Variants in ADAMTSL1 observed in about 807,000 individuals in gnomAD.
The protein encoded by ADAMTSL1 is ADAMTS-like protein 1.
Under a neutral mutation model 201.8 loss-of-function variants are expected in ADAMTSL1, and 126 were observed. The observed-to-expected ratio is 0.62, with a 90% CI of 0.54 to 0.72. ADAMTSL1 has a LOEUF of 0.72. Ranked by LOEUF, ADAMTSL1 falls within the 30% of genes least tolerant of loss-of-function variation. ADAMTSL1 has a pLI of 0.00. For synonymous variants in ADAMTSL1, 1,121 were observed against 903.4 expected (o/e 1.24, Z -4.32); for missense variants, 2,679 against 2,277.8 (o/e 1.18, Z -3.59).
chr9:18,809,178 A>T (rs757158541), intron 20 of ADAMTSL1, among the ~76,000 whole-genome samples: 1 of 152,138 alleles, frequency 6.6e-6, no homozygotes, highest in Non-Finnish European at 1.5e-5. Flanking sequence ...GAAAAAAGTA[A>T]AGTTGTCCCC....
Position 18,795,540 on chromosome 9 carries a change from C to T in ADAMTSL1, c.3805+16C>T, listed in dbSNP as rs753583679. The T allele has an allele frequency of 6.9e-6, 11 of 1,596,408 alleles. No individual in the cohort carries two copies. In the Admixed American group the frequency reaches 1.8e-4, roughly 26 times the overall value. On this transcript the variant is annotated intron_variant, in intron 20 of 28. Transcript: ENST00000380548. ...ACATTAGCAGGTAACCCAAAAATCC[C>T]TGTTCTGTTCATTTCATAAACCTTT...
At chr9:18,193,798 G>A (rs2187455) in intron 2 of ADAMTSL1, among the ~76,000 whole-genome samples, 26,940 of 151,590 alleles carry the variant, frequency 0.18, 2,541 homozygotes, top group East Asian at 0.24. Context: ...AGGGTTTTTT[G>A]GGGCAAAGAC....
At chr9:18,622,751 T>C (rs988248550) in intron 5 of ADAMTSL1, 2 of 358,252 alleles carry the variant, frequency 5.6e-6, no homozygotes, top group Non-Finnish European at 1.0e-5. Context: ...ACAAATTCAC[T>C]CCTGTCACTG....
At chr9:18,693,191 C>A (rs1055158730) in intron 13 of ADAMTSL1, among the ~76,000 whole-genome samples, 2 of 152,172 alleles carry the variant, frequency 1.3e-5, no homozygotes, top group African/African-American at 4.8e-5. Flanking sequence ...AGTGTTTGAC[C>A]AGAGTCCTGT....
chr9:18,371,168 T>C (rs1026723311), intron 2 of ADAMTSL1, among the ~76,000 whole-genome samples: 2 of 152,252 alleles, frequency 1.3e-5, no homozygotes, highest in Non-Finnish European at 2.9e-5. Context: ...ACAATTTTTA[T>C]TCATGTTCTG....
intron 5 of ADAMTSL1, among the ~76,000 whole-genome samples, chr9:18,634,856 T>TAA (rs1351262493): frequency 1.7e-5 from 2 of 119,616 alleles, no homozygotes; most frequent in East Asian, 3.7e-4. Flanking sequence ...AAAGAATATG[T>TAA]AAATATATAT....
chr9:18,150,645 G>GAT (rs1440253079), intron 1 of ADAMTSL1, among the ~76,000 whole-genome samples: 2 of 151,882 alleles, frequency 1.3e-5, no homozygotes, highest in Admixed American at 1.3e-4. Flanking sequence ...TAAATATGAA[G>GAT]ATATGAAGAG....
intron 19 of ADAMTSL1, among the ~76,000 whole-genome samples, chr9:18,787,394 T>C (rs1414016937): frequency 6.6e-6 from 1 of 152,074 alleles, no homozygotes; most frequent in Non-Finnish European, 1.5e-5. Context: ...CAGACAGTAC[T>C]AGTGAGGCTT....
chr9:18,489,045 C>G (rs908550051), intron 1 of ADAMTSL1, among the ~76,000 whole-genome samples: 3 of 152,168 alleles, frequency 2.0e-5, no homozygotes, highest in Admixed American at 2.0e-4. Context: ...AACAAAGTAT[C>G]TGGGTGGCTG....
intron 2 of ADAMTSL1, among the ~76,000 whole-genome samples, chr9:18,248,357 C>T (rs1487941326): frequency 1.3e-5 from 2 of 152,114 alleles, no homozygotes; most frequent in Non-Finnish European, 2.9e-5. Flanking sequence ...AAAAGCTTGG[C>T]TTCCCATATT....
chr9:18,689,661 T>A (rs1232147857), intron 13 of ADAMTSL1, among the ~76,000 whole-genome samples: 1 of 152,240 alleles, frequency 6.6e-6, no homozygotes, highest in Non-Finnish European at 1.5e-5. Context: ...CTTCCAGATA[T>A]ATTTCAGTTG....
intron 1 of ADAMTSL1, among the ~76,000 whole-genome samples, chr9:18,029,313 A>G (rs1210947222): frequency 2.6e-5 from 4 of 152,188 alleles, no homozygotes; most frequent in Non-Finnish European, 5.9e-5. Context: ...TTCCTATTTA[A>G]TAAATGGTGC....
chr9:17,981,341 A>T (rs999434696), intron 1 of ADAMTSL1, among the ~76,000 whole-genome samples: 1 of 152,222 alleles, frequency 6.6e-6, no homozygotes, highest in Non-Finnish European at 1.5e-5. Context: ...GTCACCTTTT[A>T]TGATTCCCTA....
At position 18,651,939 on chromosome 9, in the gene ADAMTSL1, C is replaced by G. The variant is rs1022148021; in HGVS notation, c.835-5700C>G. On this transcript the variant is annotated intron_variant, in intron 7 of 28. Transcript: ENST00000380548. ...ATATATATATATTTCCTTCATTTAG[C>G]AGATGATTGATACATGAGGCAGATT... 1.2e-4 allele frequency among the ~76,000 whole-genome samples: 18 copies of G among 149,086 alleles called. No homozygotes were observed. In the East Asian group the frequency reaches 3.6e-3, roughly 29 times the overall value.
intron 19 of ADAMTSL1, among the ~76,000 whole-genome samples, chr9:18,786,498 A>G (rs903582226): frequency 6.6e-5 from 10 of 152,240 alleles, no homozygotes; most frequent in African/African-American, 2.2e-4. Context: ...TACTAGTACA[A>G]TTAGGCACTT....
intron 4 of ADAMTSL1, among the ~76,000 whole-genome samples, chr9:18,576,854 C>A (rs924589984): frequency 1.3e-5 from 2 of 151,950 alleles, no homozygotes; most frequent in Non-Finnish European, 2.9e-5. Flanking sequence ...TACAGTTCTG[C>A]ATGTTAGACA....
intron 12 of ADAMTSL1, among the ~76,000 whole-genome samples, chr9:18,683,650 G>T (rs1414816420): frequency 1.3e-5 from 2 of 152,188 alleles, no homozygotes; most frequent in Non-Finnish European, 2.9e-5. Context: ...TTTCTCACTT[G>T]CTTTGTTTTT....
chr9:18,034,940 C>T (rs1307508658), intron 1 of ADAMTSL1, among the ~76,000 whole-genome samples: 1 of 152,132 alleles, frequency 6.6e-6, no homozygotes, highest in Non-Finnish European at 1.5e-5. Context: ...TTGTTCTAGT[C>T]TTCACTTTCC....
chr9:17,940,806 C>CCA (rs1305379140), intron 1 of ADAMTSL1, among the ~76,000 whole-genome samples: 1 of 59,002 alleles, frequency 1.7e-5, no homozygotes, highest in Non-Finnish European at 3.4e-5. Flanking sequence ...AATAACACCC[C>CCA]CCCCCCAAAA....
Sources: allele counts gnomAD v4.1 joint callset (sites outside exome capture counted in the v4.1 genomes callset), GRCh38; gene constraint gnomAD v4.1.1; transcripts MANE v1.5; gene names NCBI Gene and HGNC (gene_info 2026-07-23, HGNC 2026-07-21).